ARHGAP6: variants seen among roughly 807,000 people sequenced by gnomAD.
The protein encoded by ARHGAP6 is rho GTPase-activating protein 6.
In ARHGAP6, 16 loss-of-function variants were observed where a neutral mutation model predicts 55.7. The ratio of observed to expected loss-of-function variants is 0.29; its 90% CI spans 0.19 to 0.44. The LOEUF is 0.44. Among genes scored for constraint, ARHGAP6 ranks in the 20% least tolerant of loss-of-function variants. The pLI, the probability that ARHGAP6 is intolerant of heterozygous loss-of-function variation, is 1.00. For missense variants in ARHGAP6, 698 were observed against 808.9 expected (o/e 0.86, Z 1.66); for synonymous variants, 382 against 360.9 (o/e 1.06, Z -0.66).
chrX:11,216,675 G>A (rs1375392383), intron 2 of ARHGAP6, among the ~76,000 whole-genome samples: 4 of 110,025 alleles, frequency 3.6e-5, no homozygotes, highest in African/African-American at 1.3e-4. Flanking sequence ...AAACAAACAT[G>A]GCATTTTGTG....
intron 2 of ARHGAP6, among the ~76,000 whole-genome samples, chrX:11,253,910 A>G (rs1049873511): frequency 4.8e-4 from 53 of 111,223 alleles, no homozygotes; most frequent in African/African-American, 1.6e-3. Context: ...TCTCAAAAAA[A>G]AAAAAAAAGT....
intron 2 of ARHGAP6, among the ~76,000 whole-genome samples, chrX:11,232,672 A>T (rs1414571431): frequency 8.9e-6 from 1 of 111,943 alleles, no homozygotes; most frequent in Non-Finnish European, 1.9e-5. Flanking sequence ...AAGATGAACT[A>T]GTTGATAGTT....
chrX:11,642,148 A>G lies in ARHGAP6; in HGVS notation c.588+22093T>C, dbSNP rs147606740. Among the ~76,000 whole-genome samples, 694 of 111,863 alleles carry G rather than the reference A, an allele frequency of 6.2e-3. 3 individuals carry two copies. Among genetic ancestry groups the G allele is most frequent in the African/African-American group, 0.022 (670 of 30,864 alleles). The stretch of plus-strand genomic sequence containing the variant: ...TTAACTATAAGATTTAATTTTTAAT[A>G]GATGTAGTACATCTTGGAAACAATC... On this transcript the variant is annotated intron_variant, in intron 1 of 12. Transcript: ENST00000337414.
chrX:11,473,868 TGAA>T (rs1486762162), intron 1 of ARHGAP6, among the ~76,000 whole-genome samples: 4 of 111,503 alleles, frequency 3.6e-5, no homozygotes, highest in Admixed American at 2.9e-4. Context: ...ATTTGAATGA[TGAA>T]GGTTAATCAG....
At chrX:11,513,072 T>C (rs758619500) in intron 1 of ARHGAP6, among the ~76,000 whole-genome samples, 3 of 111,892 alleles carry the variant, frequency 2.7e-5, no homozygotes, top group Non-Finnish European at 5.6e-5. Flanking sequence ...ATTAACCATA[T>C]ATTCCATGTC....
chrX:11,447,940 C>A (rs1389715321), intron 1 of ARHGAP6, among the ~76,000 whole-genome samples: 3 of 111,960 alleles, frequency 2.7e-5, no homozygotes, highest in African/African-American at 9.7e-5. Flanking sequence ...AATAATAACC[C>A]GTTCTATAGA....
chrX:11,337,644 G>T (rs1340571546), intron 1 of ARHGAP6, among the ~76,000 whole-genome samples: 2 of 112,582 alleles, frequency 1.8e-5, no homozygotes, highest in Non-Finnish European at 3.7e-5. Flanking sequence ...TAAGTATGGG[G>T]ATACAAAGTA....
intron 1 of ARHGAP6, among the ~76,000 whole-genome samples, chrX:11,602,015 G>A (rs1054604580): frequency 5.4e-5 from 6 of 111,451 alleles, no homozygotes; most frequent in African/African-American, 2.0e-4. Flanking sequence ...GGTGAGAGGG[G>A]GTTGCTTAGC....
At chrX:11,202,718 G>A (rs1251670318) in intron 2 of ARHGAP6, among the ~76,000 whole-genome samples, 2 of 90,671 alleles carry the variant, frequency 2.2e-5, no homozygotes, top group African/African-American at 8.6e-5. Context: ...TGAGGCAGGA[G>A]AATCACAGGA....
chrX:11,485,983 A>G (rs904894303), intron 1 of ARHGAP6, among the ~76,000 whole-genome samples: 1 of 112,273 alleles, frequency 8.9e-6, no homozygotes, highest in Admixed American at 9.5e-5. Context: ...ATTTGATAGC[A>G]TAAGAAACAG....
intron 6 of ARHGAP6, among the ~76,000 whole-genome samples, chrX:11,181,798 A>G (rs2046317496): frequency 8.9e-6 from 1 of 111,978 alleles, no homozygotes. Flanking sequence ...AATTTTCAAT[A>G]AGATGTTTAT....
chrX:11,336,754 T>C lies in ARHGAP6; in HGVS notation c.589-82047A>G, dbSNP rs760129844. On this transcript the variant is annotated intron_variant, in intron 1 of 12. Coordinates refer to ENST00000337414, the MANE Select transcript of ARHGAP6 (RefSeq NM_013427.3). ...AGAGATTTGGGAAAGAATTTGGGAG[T>C]GCTCTGTTTCCTTTTTTCCTCTCCA... Among the ~76,000 whole-genome samples the C allele has an allele frequency of 1.2e-4, 13 of 111,471 alleles. No homozygotes were observed. The South Asian group carries it at 3.1e-3, about 26-fold the overall frequency.
chrX:11,639,552 T>C (rs1030351929), intron 1 of ARHGAP6, among the ~76,000 whole-genome samples: 5 of 111,308 alleles, frequency 4.5e-5, no homozygotes, highest in African/African-American at 1.6e-4. Flanking sequence ...TCATCCTTTT[T>C]TATGGTTGCA....
intron 1 of ARHGAP6, among the ~76,000 whole-genome samples, chrX:11,287,662 G>A (rs893779724): frequency 4.5e-5 from 5 of 111,408 alleles, no homozygotes; most frequent in African/African-American, 1.6e-4. Flanking sequence ...CTCTGCTGCT[G>A]CCTAGCTGGT....
chrX:11,371,122 T>C (rs918762602), intron 1 of ARHGAP6, among the ~76,000 whole-genome samples: 1 of 112,085 alleles, frequency 8.9e-6, no homozygotes, highest in African/African-American at 3.2e-5. Flanking sequence ...TTTCATTATC[T>C]GACTGGAGGG....
chrX:11,438,013 A>G lies in ARHGAP6; in HGVS notation c.589-183306T>C, dbSNP rs1216151909. Among the ~76,000 whole-genome samples, 3 of 112,588 alleles carry G rather than the reference A, an allele frequency of 2.7e-5. No individual in the cohort carries two copies. The Admixed American group carries it at 2.8e-4, about 11-fold the overall frequency. ...GTCCAGAGGTCTTGAACAGGGTAGA[A>G]GCTTGCAACCTCCAGATTTCCACCT... On this transcript the variant is annotated intron_variant, in intron 1 of 12. Coordinates refer to ENST00000337414, the MANE Select transcript of ARHGAP6 (RefSeq NM_013427.3).
At chrX:11,408,954 C>T (rs760048486) in intron 1 of ARHGAP6, among the ~76,000 whole-genome samples, 5 of 110,258 alleles carry the variant, frequency 4.5e-5, no homozygotes, top group Non-Finnish European at 9.5e-5. Flanking sequence ...TCCTCCAACC[C>T]TCACACTGCT....
At chrX:11,418,819 A>T (rs1457231820) in intron 1 of ARHGAP6, among the ~76,000 whole-genome samples, 1 of 111,952 alleles carries the variant, frequency 8.9e-6, no homozygotes, top group East Asian at 2.8e-4. Context: ...GAGACATTTG[A>T]AGCAATTTGG....
chrX:11,275,909 T>C (rs2147523117), intron 1 of ARHGAP6, among the ~76,000 whole-genome samples: 1 of 111,712 alleles, frequency 9.0e-6, no homozygotes, highest in East Asian at 2.8e-4. Flanking sequence ...TACAGGGACA[T>C]TACAAATGAA....
Sources: allele counts gnomAD v4.1 joint callset (sites outside exome capture counted in the v4.1 genomes callset), GRCh38; gene constraint gnomAD v4.1.1; transcripts MANE v1.5; gene names NCBI Gene and HGNC (gene_info 2026-07-23, HGNC 2026-07-21).